The following NPAS2 variants were observed in gnomAD, a reference collection of about 807,000 sequenced individuals.
NPAS2 encodes the protein neuronal PAS domain protein 2, also known as neuronal PAS domain-containing protein 2.
Under a neutral mutation model 107.5 loss-of-function variants are expected in NPAS2, and 23 were observed. That is an observed-to-expected ratio of 0.21 (90% CI 0.15 to 0.30). NPAS2 has a LOEUF of 0.30. NPAS2 is among the 10% of genes least tolerant of loss of function. The probability of loss-of-function intolerance (pLI) is 1.00; values close to 1 mark genes in which losing one functional copy is unlikely to be tolerated. For synonymous variants in NPAS2, 403 were observed against 417.5 expected, an observed-to-expected ratio of 0.97 and a Z score of 0.42; for missense variants, 756 against 1,043.3, an observed-to-expected ratio of 0.72 and a Z score of 3.79.
intron 1 of NPAS2, among the ~76,000 whole-genome samples, chr2:100,862,400 C>T (rs887186659): frequency 6.6e-6 from 1 of 152,072 alleles, no homozygotes; most frequent in South Asian, 2.1e-4. Flanking sequence ...ATTCATCGGG[C>T]TGTATTTAAC....
chr2:100,951,876 G>A (rs541410025), intron 7 of NPAS2, among the ~76,000 whole-genome samples: 3 of 152,090 alleles, frequency 2.0e-5, no homozygotes, highest in Admixed American at 6.6e-5. Flanking sequence ...ATGGCCAGGC[G>A]CGGTGGCTCA....
chr2:100,854,158 CAA>C (rs70943046), intron 1 of NPAS2, among the ~76,000 whole-genome samples: 1,428 of 59,746 alleles, frequency 0.024, 22 homozygotes, highest in East Asian at 0.15. Context: ...CCTGCCTCAA[CAA>C]AAAAAAAAAA....
chr2:100,926,160 T>A (rs1033158721), intron 3 of NPAS2, among the ~76,000 whole-genome samples: 5 of 152,232 alleles, frequency 3.3e-5, no homozygotes, highest in African/African-American at 1.2e-4. Context: ...AATATCATAT[T>A]TTGATTAACC....
intron 1 of NPAS2, among the ~76,000 whole-genome samples, chr2:100,899,258 C>G (rs1681622219): frequency 6.8e-6 from 1 of 147,016 alleles, no homozygotes; most frequent in Admixed American, 6.8e-5. Context: ...GAGTCTGGCT[C>G]TGTCGCCCAA....
At chr2:100,975,037 C>T (rs906674019) in intron 13 of NPAS2, 93 bp downstream of exon 13, 1 of 1,380,042 alleles carries the variant, frequency 7.2e-7, no homozygotes, top group African/African-American at 1.4e-5. Flanking sequence ...GGAATCAGGG[C>T]AGTCTGTGCC....
At chr2:100,959,476 C>CT (rs891887054) in intron 7 of NPAS2, among the ~76,000 whole-genome samples, 19 of 152,098 alleles carry the variant, frequency 1.2e-4, no homozygotes, top group Admixed American at 7.9e-4. Flanking sequence ...AGCCACCTGG[C>CT]TATTCAGAAC....
chr2:100,955,717 G>GT (rs1156875021), intron 7 of NPAS2, among the ~76,000 whole-genome samples: 5 of 152,114 alleles, frequency 3.3e-5, no homozygotes, highest in African/African-American at 1.2e-4. Flanking sequence ...GGCTGGGGAA[G>GT]TTCGTCTGTG....
At chr2:100,909,743 T>G (rs921280040) in intron 2 of NPAS2, among the ~76,000 whole-genome samples, 2 of 152,162 alleles carry the variant, frequency 1.3e-5, no homozygotes, top group East Asian at 1.9e-4. Flanking sequence ...CTTTGTTTTT[T>G]TTTTTTTTAT....
In NPAS2 at chr2:100,990,783, G is replaced by A. The variant is rs149533184; in HGVS notation, c.2022G>A (p.Leu674=). ...ATTTCCCCACCTCTGCTTAAAGGCT[G>A]TTGCTGAGCCAGCCCATCCAGCCCA... ...PDFSHDRQLR[L]LLSQPIQPMM... Residue 674 remains leucine (L), a synonymous_variant, in exon 19 of 21, where the codon CTG becomes CTA. Transcript: ENST00000335681. The A allele has an allele frequency of 1.2e-6, 2 of 1,614,062 alleles. No individual in the cohort carries two copies. The highest frequency in any genetic ancestry group is 1.7e-6 in the Non-Finnish European group (2 of 1,179,924).
intron 5 of NPAS2, among the ~76,000 whole-genome samples, chr2:100,947,754 C>T (rs576350761): frequency 3.3e-5 from 5 of 152,312 alleles, no homozygotes; most frequent in Admixed American, 2.0e-4. Flanking sequence ...CCAAGGCACT[C>T]AGAAGAAAAC....
chr2:100,991,201 C>T (rs184370025), intron 19 of NPAS2, among the ~76,000 whole-genome samples: 1 of 152,300 alleles, frequency 6.6e-6, no homozygotes, highest in East Asian at 1.9e-4. Context: ...TCCCAAGGAC[C>T]CTCCCCCAGG....
intron 10 of NPAS2, among the ~76,000 whole-genome samples, chr2:100,967,109 GA>G (rs1676260042): frequency 6.6e-6 from 1 of 152,094 alleles, no homozygotes; most frequent in African/African-American, 2.4e-5. Flanking sequence ...CCGAAGTGAA[GA>G]ATTACATTCA....
Position 100,820,882 on chromosome 2 carries a change from T to C in NPAS2, c.-23+468T>C. On this transcript the variant is annotated intron_variant, in intron 1 of 20. Transcript: ENST00000335681. This position sits in a 1 kb window ranked among gnomAD's most constrained non-coding sequence, Gnocchi z 5.6. ...GTGCGCGCCCTGGGCCCGCGGTCTCTCGGAGTCCCTGGGTCGGAATTGGTT... is the reference window on the plus strand; with the variant it reads ...GTGCGCGCCCTGGGCCCGCGGTCTCCCGGAGTCCCTGGGTCGGAATTGGTT... 1 of 434,304 alleles carries C rather than the reference T, an allele frequency of 2.3e-6. No individual in the cohort carries two copies. 26.9% of individuals were successfully genotyped at this position (434,304 alleles called of 1,614,324 possible).
At chr2:100,832,979 G>A (rs2104376140) in intron 1 of NPAS2, among the ~76,000 whole-genome samples, 1 of 152,252 alleles carries the variant, frequency 6.6e-6, no homozygotes, top group South Asian at 2.1e-4. Flanking sequence ...GCTTCCCTGA[G>A]GCGATGTCTG....
chr2:100,906,615 G>A (rs1363411950), intron 2 of NPAS2, among the ~76,000 whole-genome samples: 1 of 152,116 alleles, frequency 6.6e-6, no homozygotes, highest in Non-Finnish European at 1.5e-5. Context: ...GTGTGTGATG[G>A]AGTCTCACCC....
intron 7 of NPAS2, among the ~76,000 whole-genome samples, chr2:100,953,889 A>G (rs1215919288): frequency 3.3e-5 from 5 of 152,202 alleles, no homozygotes; most frequent in Admixed American, 3.3e-4. Flanking sequence ...GGCTGTGTGA[A>G]GGGCACCCAA....
chr2:100,898,508 G>C (rs945918832), intron 1 of NPAS2, among the ~76,000 whole-genome samples: 1 of 152,210 alleles, frequency 6.6e-6, no homozygotes, highest in Non-Finnish European at 1.5e-5. Flanking sequence ...TAGGAGTTAA[G>C]ATAGTGTGGT....
chr2:100,853,179 A>G (rs984289247), intron 1 of NPAS2, among the ~76,000 whole-genome samples: 6 of 152,206 alleles, frequency 3.9e-5, no homozygotes, highest in Admixed American at 6.5e-5. Context: ...GAGTGTATCG[A>G]TCAAACACCA....
chr2:100,850,074 G>A (rs1678070034), intron 1 of NPAS2, among the ~76,000 whole-genome samples: 1 of 138,166 alleles, frequency 7.2e-6, no homozygotes, highest in South Asian at 2.4e-4. Context: ...GTGAAATTCA[G>A]TGTATAGAAT....
Sources: gnomAD v4.1 joint callset for allele counts (sites outside exome capture counted in the v4.1 genomes callset) on GRCh38, gnomAD v4.1.1 for gene constraint, Gnocchi (gnomAD v3.1) non-coding constraint, MANE v1.5 for transcripts, NCBI Gene and HGNC (gene_info 2026-07-23, HGNC 2026-07-21) for gene names.